Variants in ADAMTSL3 observed in about 807,000 individuals in gnomAD.
ADAMTSL3 encodes the protein ADAMTS like 3, also known as ADAMTS-like protein 3.
Under a neutral mutation model 201.7 loss-of-function variants are expected in ADAMTSL3, and 128 were observed. The observed-to-expected ratio is 0.63, with a 90% confidence interval of 0.55 to 0.73. The LOEUF (loss-of-function observed/expected upper bound fraction) is 0.73. Ranked by LOEUF, ADAMTSL3 falls within the 30% of genes least tolerant of loss-of-function variation. The pLI is 0.00. For synonymous variants in ADAMTSL3, 738 were observed against 748.4 expected (o/e 0.99, Z 0.23); for missense variants, 1,990 against 2,119.6 (o/e 0.94, Z 1.20).
intron 7 of ADAMTSL3, among the ~76,000 whole-genome samples, chr15:83,854,510 C>T (rs369088580): frequency 2.0e-5 from 3 of 152,214 alleles, no homozygotes; most frequent in African/African-American, 7.2e-5. Flanking sequence ...TCCAGTATTA[C>T]TCACACAGGT....
intron 6 of ADAMTSL3, among the ~76,000 whole-genome samples, chr15:83,827,231 T>C (rs1469815279): frequency 6.6e-6 from 1 of 152,234 alleles, no homozygotes; most frequent in Non-Finnish European, 1.5e-5. Context: ...TATCTCATTG[T>C]GGTTTTGATT....
intron 15 of ADAMTSL3, among the ~76,000 whole-genome samples, chr15:83,910,287 G>T (rs2065907667): frequency 6.6e-6 from 1 of 151,200 alleles, no homozygotes; most frequent in Non-Finnish European, 1.5e-5. Context: ...GTTGTGTTTT[G>T]CCCAGACATG....
rs181816959 is a variant in ADAMTSL3 at position 83,894,210 on chromosome 15, T to G, written c.1467+1322T>G. ...TTGAACCTGAAGGACAAGTGTCAGGTAAAGACCATATTAATCTTTTTCTGA... is the reference window on the plus strand; with the variant it reads ...TTGAACCTGAAGGACAAGTGTCAGGGAAAGACCATATTAATCTTTTTCTGA... On this transcript the variant is annotated intron_variant, in intron 13 of 29. Transcript: ENST00000286744. Among the ~76,000 whole-genome samples, 241 of 152,342 alleles carry G rather than the reference T, an allele frequency of 1.6e-3. 1 individual carries two copies. The highest frequency in any genetic ancestry group is 4.2e-3 in the African/African-American group (175 of 41,566).
intron 4 of ADAMTSL3, among the ~76,000 whole-genome samples, chr15:83,786,595 A>G (rs893012211): frequency 6.6e-6 from 1 of 152,106 alleles, no homozygotes; most frequent in Non-Finnish European, 1.5e-5. Flanking sequence ...GACGTTTTAA[A>G]TACTGCTATG....
chr15:83,871,011 G>T (rs894898903), intron 9 of ADAMTSL3, 52 bp downstream of exon 9: 1 of 1,583,438 alleles, frequency 6.3e-7, no homozygotes, highest in Non-Finnish European at 8.6e-7. Flanking sequence ...AGAACATCTT[G>T]ATTTTTAAAA....
chr15:84,028,065 C>T (rs538485675), intron 27 of ADAMTSL3, among the ~76,000 whole-genome samples: 21 of 152,214 alleles, frequency 1.4e-4, no homozygotes, highest in African/African-American at 4.6e-4. Flanking sequence ...AAAAAGTAGA[C>T]TAATGGTTGC....
At chr15:83,691,053 T>C (rs1281405065) in intron 2 of ADAMTSL3, among the ~76,000 whole-genome samples, 2 of 152,178 alleles carry the variant, frequency 1.3e-5, no homozygotes, top group Admixed American at 1.3e-4. Flanking sequence ...TGAGTGTGGC[T>C]CTATCTGAGG....
At chr15:83,845,236 T>G (rs1427605095) in intron 7 of ADAMTSL3, among the ~76,000 whole-genome samples, 1 of 152,244 alleles carries the variant, frequency 6.6e-6, no homozygotes, top group Non-Finnish European at 1.5e-5. Flanking sequence ...AGTGGTTATT[T>G]CATTTATTTG....
At chr15:83,896,203 G>A (rs1017096930) in intron 13 of ADAMTSL3, among the ~76,000 whole-genome samples, 5 of 150,752 alleles carry the variant, frequency 3.3e-5, no homozygotes, top group Non-Finnish European at 7.4e-5. Flanking sequence ...CCGGAAGTGG[G>A]TCGGGAGGAT....
In ADAMTSL3 at chr15:83,885,272, T is replaced by C. The variant is rs1039877970; in HGVS notation, c.1072+60T>C. On this transcript the variant is annotated intron_variant, in intron 10 of 29. Transcript: ENST00000286744. ...CTCAGAGTTAGATAAATTAGACATTTACATTTTTGAAGCTGATTTTAAAAT... is the reference window on the plus strand; with the variant it reads ...CTCAGAGTTAGATAAATTAGACATTCACATTTTTGAAGCTGATTTTAAAAT... 4.6e-6 allele frequency: 6 copies of C among 1,307,186 alleles called. No individual in the cohort carries two copies. In the Admixed American group the frequency reaches 7.5e-5, roughly 16 times the overall value. 81.0% of individuals were successfully genotyped at this position (1,307,186 alleles called of 1,614,324 possible). A position where few individuals can be genotyped will look rare whatever the true frequency, so the allele number is the denominator to read the frequency against.
chr15:83,680,717 T>G (rs1487754117), intron 2 of ADAMTSL3, among the ~76,000 whole-genome samples: 2 of 152,036 alleles, frequency 1.3e-5, no homozygotes, highest in African/African-American at 2.4e-5. Flanking sequence ...CTGACTTAAT[T>G]TTCTGTAATG....
In ADAMTSL3 at chr15:83,991,194, C is replaced by T; in HGVS notation, c.3953C>T (p.Thr1318Ile). Residue 1318 changes from threonine to isoleucine, a missense_variant, in exon 23 of 30, where the codon ACA (threonine) becomes ATA (isoleucine). Coordinates refer to ENST00000286744, the MANE Select transcript of ADAMTSL3 (RefSeq NM_207517.3). ...IVEAALGANV[T>I]IRCPVKGVPQ... is the part of the protein sequence containing the mutation. ...GAGGCAGCCCTTGGAGCAAACGTGACAATCCGATGTCCTGTAAAAGGTAAG... is the reference window on the plus strand; with the variant it reads ...GAGGCAGCCCTTGGAGCAAACGTGATAATCCGATGTCCTGTAAAAGGTAAG... 1 of 1,614,162 alleles carries T rather than the reference C, an allele frequency of 6.2e-7. No homozygotes were observed. Among genetic ancestry groups the T allele is most frequent in the Non-Finnish European group, 8.5e-7 (1 of 1,180,004 alleles).
At chr15:83,869,911 G>T (rs1728401328) in intron 8 of ADAMTSL3, among the ~76,000 whole-genome samples, 1 of 152,054 alleles carries the variant, frequency 6.6e-6, no homozygotes, top group African/African-American at 2.4e-5. Context: ...AAACGCAGGT[G>T]CCCCAGAACC....
At chr15:83,775,980 C>A (rs140734854) in intron 4 of ADAMTSL3, among the ~76,000 whole-genome samples, 170 of 152,260 alleles carry the variant, frequency 1.1e-3, no homozygotes, top group Non-Finnish European at 1.9e-3. Context: ...GAAACCCTCA[C>A]GTAAACTTTG....
intron 4 of ADAMTSL3, among the ~76,000 whole-genome samples, chr15:83,804,183 A>G (rs1172745311): frequency 6.6e-6 from 1 of 152,112 alleles, no homozygotes; most frequent in African/African-American, 2.4e-5. Context: ...ATTTCTAACA[A>G]AGACTGTTGT....
chr15:83,752,449 C>T, intron 3 of ADAMTSL3, among the ~76,000 whole-genome samples: 1 of 152,110 alleles, frequency 6.6e-6, no homozygotes, highest in Admixed American at 6.6e-5. Context: ...TTCTATTTTA[C>T]ATCCATATGT....
intron 3 of ADAMTSL3, among the ~76,000 whole-genome samples, chr15:83,753,017 A>G (rs994328178): frequency 6.6e-6 from 1 of 152,046 alleles, no homozygotes; most frequent in Non-Finnish European, 1.5e-5. Flanking sequence ...TGCAATCATG[A>G]GTTTTCGTTT....
chr15:83,912,946 A>G (rs568921234), intron 15 of ADAMTSL3, 146 bp from the exon 16 acceptor site: 24 of 807,630 alleles, frequency 3.0e-5, no homozygotes, highest in East Asian at 7.7e-5. Flanking sequence ...CTGACCATCA[A>G]CAAAAGTATA....
At chr15:83,673,927 T>A (rs936834000) in intron 2 of ADAMTSL3, among the ~76,000 whole-genome samples, 4 of 152,188 alleles carry the variant, frequency 2.6e-5, no homozygotes, top group Admixed American at 2.0e-4. Flanking sequence ...TTTCTGTTTG[T>A]AAGGTTGTTG....
Sources: allele counts gnomAD v4.1 joint callset (sites outside exome capture counted in the v4.1 genomes callset), GRCh38; gene constraint gnomAD v4.1.1; transcripts MANE v1.5; gene names NCBI Gene and HGNC (gene_info 2026-07-23, HGNC 2026-07-21).